Variants in CSMD1 observed in about 807,000 individuals in gnomAD.
CSMD1 encodes the protein CUB and Sushi multiple domains 1.
In CSMD1, 213 loss-of-function variants were observed where a neutral mutation model predicts 417.5. The observed-to-expected ratio is 0.51, with a 90% CI of 0.46 to 0.57. The LOEUF (loss-of-function observed/expected upper bound fraction) is 0.57. Among genes scored for constraint, CSMD1 ranks in the 20% least tolerant of loss-of-function variants. The pLI, the probability that CSMD1 is intolerant of heterozygous loss-of-function variation, is 0.00. For missense variants in CSMD1, 6,923 were observed against 4,529.7 expected, an observed-to-expected ratio of 1.53 and a Z score of -15.17; for synonymous variants, 2,862 against 1,736.8, an observed-to-expected ratio of 1.65 and a Z score of -16.11.
At chr8:3,739,019 ATGTC>A (rs1480922105) in intron 6 of CSMD1, among the ~76,000 whole-genome samples, 9 of 152,204 alleles carry the variant, frequency 5.9e-5, no homozygotes, top group African/African-American at 1.9e-4. Context: ...TATTGTAACT[ATGTC>A]TTTCTTTTTT....
chr8:3,701,052 A>G (rs913918058), intron 7 of CSMD1, among the ~76,000 whole-genome samples: 2 of 151,964 alleles, frequency 1.3e-5, no homozygotes, highest in Non-Finnish European at 2.9e-5. Context: ...GGGCTCACCA[A>G]GAGGCCGGAG....
intron 2 of CSMD1, among the ~76,000 whole-genome samples, chr8:4,510,389 C>CAAAAA (rs1563243981): frequency 2.7e-4 from 3 of 10,962 alleles, no homozygotes; most frequent in African/African-American, 1.2e-3. Context: ...AGCATAATGC[C>CAAAAA]TAAAAAAAAA....
intron 6 of CSMD1, among the ~76,000 whole-genome samples, chr8:3,727,448 G>A (rs1043821112): frequency 2.6e-5 from 4 of 152,140 alleles, no homozygotes; most frequent in Admixed American, 1.3e-4. Context: ...CTAACATGAG[G>A]GTGACCAATG....
intron 5 of CSMD1, among the ~76,000 whole-genome samples, chr8:3,816,953 A>G (rs1801400848): frequency 6.6e-6 from 1 of 152,158 alleles, no homozygotes; most frequent in Admixed American, 6.5e-5. Flanking sequence ...GAATCAAGAG[A>G]AAGATAAACC....
intron 1 of CSMD1, among the ~76,000 whole-genome samples, chr8:4,897,685 T>G (rs1804593093): frequency 6.6e-6 from 1 of 152,276 alleles, no homozygotes; most frequent in Admixed American, 6.5e-5. Flanking sequence ...GCACAACTTT[T>G]TTTTACATAT....
At chr8:2,942,659 T>C (rs1171691842) in intron 68 of CSMD1, 55 bp from the exon 69 acceptor site, 16 of 1,347,280 alleles carry the variant, frequency 1.2e-5, no homozygotes, top group African/African-American at 3.0e-5. Flanking sequence ...CTTAAACAAA[T>C]ACATATGATA....
intron 3 of CSMD1, among the ~76,000 whole-genome samples, chr8:4,096,010 A>G (rs1419298040): frequency 6.6e-6 from 1 of 152,058 alleles, no homozygotes; most frequent in African/African-American, 2.4e-5. Flanking sequence ...GAAACATAGG[A>G]AAGGATAATA....
At chr8:4,157,703 G>A (rs1008489292) in intron 3 of CSMD1, among the ~76,000 whole-genome samples, 1 of 152,224 alleles carries the variant, frequency 6.6e-6, no homozygotes, top group Non-Finnish European at 1.5e-5. Context: ...CCTTGGGTGG[G>A]TCTGCACAGT....
intron 2 of CSMD1, among the ~76,000 whole-genome samples, chr8:4,521,524 C>T (rs1444611037): frequency 1.3e-5 from 2 of 152,014 alleles, no homozygotes; most frequent in Admixed American, 1.3e-4. Flanking sequence ...TGAATGTTTC[C>T]TTCTTGTCTA....
At chr8:2,954,594 T>G (rs929216670) in intron 64 of CSMD1, among the ~76,000 whole-genome samples, 1 of 152,136 alleles carries the variant, frequency 6.6e-6, no homozygotes, top group Non-Finnish European at 1.5e-5. Flanking sequence ...TGCCACATAC[T>G]AAAAGGTAAC....
chr8:4,190,883 G>C (rs1233223862), intron 3 of CSMD1, among the ~76,000 whole-genome samples: 1 of 151,594 alleles, frequency 6.6e-6, no homozygotes, highest in Non-Finnish European at 1.5e-5. Context: ...TGACTTCTAA[G>C]AGGGAGCTAA....
chr8:4,051,353 C>A (rs943512438), intron 3 of CSMD1, among the ~76,000 whole-genome samples: 1 of 151,668 alleles, frequency 6.6e-6, no homozygotes, highest in African/African-American at 2.4e-5. Flanking sequence ...GACTCGGCAG[C>A]TTCTTTCACT....
chr8:4,332,201 G>A (rs1563064258), intron 3 of CSMD1, among the ~76,000 whole-genome samples: 1 of 152,082 alleles, frequency 6.6e-6, no homozygotes, highest in Non-Finnish European at 1.5e-5. Context: ...AGGTTTGTGA[G>A]CAAACAGGTG....
intron 2 of CSMD1, among the ~76,000 whole-genome samples, chr8:4,572,292 G>A (rs929362867): frequency 1.5e-4 from 23 of 152,194 alleles, no homozygotes; most frequent in African/African-American, 5.1e-4. Flanking sequence ...TCCTTCAGGA[G>A]CTCTTATAAG....
At chr8:3,885,342 T>A (rs369368457) in intron 5 of CSMD1, among the ~76,000 whole-genome samples, 112 of 152,288 alleles carry the variant, frequency 7.4e-4, no homozygotes, top group Non-Finnish European at 1.3e-3. Context: ...CTTAGTGACA[T>A]TTATATTGTT....
At chr8:4,941,243 CT>C (rs1454496464) in intron 1 of CSMD1, among the ~76,000 whole-genome samples, 1 of 148,644 alleles carries the variant, frequency 6.7e-6, no homozygotes, top group Non-Finnish European at 1.5e-5. Flanking sequence ...TTGTAACACT[CT>C]TTTGTTGTTT....
intron 3 of CSMD1, among the ~76,000 whole-genome samples, chr8:4,204,302 C>A (rs1445219532): frequency 6.6e-6 from 1 of 150,830 alleles, no homozygotes; most frequent in Non-Finnish European, 1.5e-5. Flanking sequence ...TTTTGGTTTT[C>A]TTTCTCAGAA....
chr8:3,207,146 A>AT (rs1797341724), intron 30 of CSMD1, among the ~76,000 whole-genome samples: 2 of 88,652 alleles, frequency 2.3e-5, no homozygotes, highest in African/African-American at 8.9e-5. Context: ...TTTTTTTTTC[A>AT]TTTTCTTTTT....
chr8:4,855,475 G>C (rs1159420545), intron 1 of CSMD1, among the ~76,000 whole-genome samples: 1 of 152,110 alleles, frequency 6.6e-6, no homozygotes, highest in Non-Finnish European at 1.5e-5. Context: ...TCAGCTACGG[G>C]AGGACATTCA....
Sources: allele counts gnomAD v4.1 joint callset (sites outside exome capture counted in the v4.1 genomes callset), GRCh38; gene constraint gnomAD v4.1.1; transcripts MANE v1.5; gene names NCBI Gene and HGNC (gene_info 2026-07-23, HGNC 2026-07-21).